Variants in THOC7 observed in about 807,000 individuals in gnomAD.
The protein encoded by THOC7 is THO complex subunit 7, also known as NIF3L1-binding protein 1.
THOC7 carries 22 observed loss-of-function variants against 33.1 expected under a neutral mutation model. That is an observed-to-expected ratio of 0.66 (90% CI 0.47 to 0.95). The LOEUF is 0.95. THOC7 is among the 40% of genes least tolerant of loss of function. The pLI, the probability that THOC7 is intolerant of heterozygous loss-of-function variation, is 0.00. For synonymous variants in THOC7, 77 were observed against 76.8 expected, an observed-to-expected ratio of 1.00 and a Z score of -0.01; for missense variants, 184 against 245.3, an observed-to-expected ratio of 0.75 and a Z score of 1.67.
chr3:63,835,818 A>G (rs558538379), intron 5 of THOC7, among the ~76,000 whole-genome samples: 7 of 152,104 alleles, frequency 4.6e-5, no homozygotes, highest in Non-Finnish European at 8.8e-5. Flanking sequence ...CTACTATATC[A>G]TTCTTATTCT....
intron 5 of THOC7, among the ~76,000 whole-genome samples, 174 bp downstream of exon 5, chr3:63,836,127 G>A (rs942690403): frequency 6.6e-6 from 1 of 151,778 alleles, no homozygotes; most frequent in African/African-American, 2.4e-5. Context: ...ACATATAGCT[G>A]GTAAGGTTAG....
chr3:63,864,264 G>A (rs1340862208), upstream of THOC7, among the ~76,000 whole-genome samples: 1 of 151,272 alleles, frequency 6.6e-6, no homozygotes, highest in African/African-American at 2.4e-5. Context: ...CTGCGGCCCC[G>A]CCGCCCCATC....
At chr3:63,847,803 A>C (rs1359964013) in intron 1 of THOC7, among the ~76,000 whole-genome samples, 1 of 152,232 alleles carries the variant, frequency 6.6e-6, no homozygotes, top group Non-Finnish European at 1.5e-5. Flanking sequence ...AAAATTTCCA[A>C]AAGTTTAATG....
At chr3:63,843,112 ATTTG>A (rs767250587) in intron 1 of THOC7, among the ~76,000 whole-genome samples, 32 of 149,306 alleles carry the variant, frequency 2.1e-4, no homozygotes, top group Middle Eastern at 7.4e-3. Context: ...CCGTATGTAT[ATTTG>A]TTTGTTTGTT....
intron 1 of THOC7, among the ~76,000 whole-genome samples, chr3:63,858,393 T>C (rs1702150334): frequency 1.3e-5 from 2 of 152,186 alleles, no homozygotes; most frequent in Non-Finnish European, 2.9e-5. Flanking sequence ...ATATTATTCG[T>C]AGGCATATTA....
At chr3:63,837,426 C>G (rs1165185362) in intron 4 of THOC7, among the ~76,000 whole-genome samples, 1 of 151,906 alleles carries the variant, frequency 6.6e-6, no homozygotes. Flanking sequence ...TATTTAGGAA[C>G]TACATAAGGG....
At chr3:63,857,352 A>G (rs561554970) in intron 1 of THOC7, among the ~76,000 whole-genome samples, 1 of 152,224 alleles carries the variant, frequency 6.6e-6, no homozygotes, top group South Asian at 2.1e-4. Context: ...TAAAAATTCT[A>G]CTCCGTTACT....
intron 1 of THOC7, among the ~76,000 whole-genome samples, chr3:63,859,881 G>C (rs1444751972): frequency 1.3e-5 from 2 of 152,148 alleles, no homozygotes; most frequent in Admixed American, 1.3e-4. Flanking sequence ...TTTCCTCTAT[G>C]GTCTAGATAT....
At chr3:63,836,631 A>C (rs939193075) in intron 4 of THOC7, among the ~76,000 whole-genome samples, 1 of 152,024 alleles carries the variant, frequency 6.6e-6, no homozygotes, top group African/African-American at 2.4e-5. Context: ...AAGCATAAGC[A>C]AATTTAAGTT....
chr3:63,836,868 A>G (rs1210360644), intron 4 of THOC7, among the ~76,000 whole-genome samples: 1 of 151,946 alleles, frequency 6.6e-6, no homozygotes, highest in African/African-American at 2.4e-5. Flanking sequence ...CCTCCAAGAT[A>G]AGTCATGTAA....
intron 1 of THOC7, among the ~76,000 whole-genome samples, chr3:63,862,547 T>C (rs552508429): frequency 4.6e-5 from 7 of 152,338 alleles, no homozygotes; most frequent in African/African-American, 1.7e-4. Flanking sequence ...TAAATGAAAC[T>C]GGAATGAAGC....
intron 1 of THOC7, among the ~76,000 whole-genome samples, chr3:63,843,404 C>G (rs1429819207): frequency 2.0e-5 from 3 of 152,108 alleles, no homozygotes; most frequent in African/African-American, 7.2e-5. Context: ...AGGCATGAGC[C>G]ACTGTGCCAG....
chr3:63,841,809 A>G (rs1396307005), intron 1 of THOC7, among the ~76,000 whole-genome samples: 1 of 152,226 alleles, frequency 6.6e-6, no homozygotes, highest in East Asian at 1.9e-4. Context: ...GAATTTTCTT[A>G]CTACAAATGT....
intron 1 of THOC7, among the ~76,000 whole-genome samples, chr3:63,858,868 T>C (rs1029301504): frequency 1.3e-5 from 2 of 152,194 alleles, no homozygotes; most frequent in African/African-American, 2.4e-5. Context: ...ATATCCAGTC[T>C]AGTAGCTATA....
At chr3:63,850,116 T>C (rs1701989167) in intron 1 of THOC7, among the ~76,000 whole-genome samples, 1 of 152,224 alleles carries the variant, frequency 6.6e-6, no homozygotes, top group African/African-American at 2.4e-5. Flanking sequence ...TCCTTATTTA[T>C]GCCTACTTCT....
At chr3:63,845,230 T>C in intron 1 of THOC7, 2 of 484,610 alleles carry the variant, frequency 4.1e-6, no homozygotes, top group East Asian at 5.9e-5. Context: ...AAGATTAGTT[T>C]GTGCTATGAG....
At chr3:63,842,947 A>G (rs1382984823) in intron 1 of THOC7, among the ~76,000 whole-genome samples, 2 of 151,498 alleles carry the variant, frequency 1.3e-5, no homozygotes, top group African/African-American at 4.9e-5. Flanking sequence ...ATGCCTAGCT[A>G]ATTTTTGTAT....
intron 1 of THOC7, among the ~76,000 whole-genome samples, chr3:63,849,169 C>T (rs1185054717): frequency 1.3e-5 from 2 of 152,124 alleles, no homozygotes; most frequent in African/African-American, 4.8e-5. Flanking sequence ...GGTGGATCAT[C>T]TGAGGTCAGG....
intron 1 of THOC7, among the ~76,000 whole-genome samples, chr3:63,855,226 C>G (rs1020782597): frequency 1.3e-5 from 2 of 152,158 alleles, no homozygotes; most frequent in Non-Finnish European, 2.9e-5. Context: ...TATCACAATT[C>G]TAGAACTTAT....
Sources: gnomAD v4.1 joint callset for allele counts (sites outside exome capture counted in the v4.1 genomes callset) on GRCh38, gnomAD v4.1.1 for gene constraint, MANE v1.5 for transcripts, NCBI Gene and HGNC (gene_info 2026-07-23, HGNC 2026-07-21) for gene names.